The following TMEM178B variants were observed in gnomAD, a reference collection of about 807,000 sequenced individuals.
TMEM178B encodes transmembrane protein 178B.
A neutral mutation model predicts 31.0 loss-of-function variants in TMEM178B; 5 were observed. That is an observed-to-expected ratio of 0.16 (90% CI 0.08 to 0.34). TMEM178B has a LOEUF of 0.34. TMEM178B is among the 10% of genes least tolerant of loss of function. The pLI is 1.00. For missense variants in TMEM178B, 275 were observed against 400.3 expected (o/e 0.69, Z 2.67); for synonymous variants, 164 against 164.0 (o/e 1.00, Z 0.00).
intron 2 of TMEM178B, among the ~76,000 whole-genome samples, chr7:141,418,718 A>G (rs1801145933): frequency 6.6e-6 from 1 of 152,164 alleles, no homozygotes; most frequent in Non-Finnish European, 1.5e-5. Flanking sequence ...AAAAGCAGGC[A>G]TTCAATCCTA....
chr7:141,410,941 A>G (rs1430736904), intron 2 of TMEM178B, among the ~76,000 whole-genome samples: 2 of 152,256 alleles, frequency 1.3e-5, no homozygotes, highest in East Asian at 3.8e-4. Flanking sequence ...CATGCTAAGT[A>G]AAATTAATCA....
chr7:141,122,802 T>C (rs1446947741), intron 1 of TMEM178B, among the ~76,000 whole-genome samples: 1 of 152,228 alleles, frequency 6.6e-6, no homozygotes, highest in Non-Finnish European at 1.5e-5. Flanking sequence ...ATCTGAAGGC[T>C]CTGAATGAAA....
At chr7:141,487,903 C>T in the TMEM178B span, among the ~76,000 whole-genome samples, 14 of 152,114 alleles carry the variant, frequency 9.2e-5, no homozygotes, top group East Asian at 3.9e-4. Flanking sequence ...GCTCCTTCCC[C>T]GCAGTGGCAT....
At chr7:141,376,010 AC>A in intron 2 of TMEM178B, among the ~76,000 whole-genome samples, 1 of 152,286 alleles carries the variant, frequency 6.6e-6, no homozygotes, top group Non-Finnish European at 1.5e-5. Context: ...TCCTTTGGGG[AC>A]CTATCTTAAT....
intron 2 of TMEM178B, among the ~76,000 whole-genome samples, chr7:141,399,879 TC>T (rs951903524): frequency 2.0e-4 from 30 of 152,220 alleles, no homozygotes; most frequent in African/African-American, 7.2e-4. Context: ...TTTTCATTGC[TC>T]CTCCCTTTCT....
At chr7:141,091,777 G>A (rs1280202846) in intron 1 of TMEM178B, among the ~76,000 whole-genome samples, 1 of 152,182 alleles carries the variant, frequency 6.6e-6, no homozygotes, top group Non-Finnish European at 1.5e-5. Context: ...TCCCAGGCTG[G>A]AGTGCAGCAG....
chr7:141,383,883 T>G (rs925848602), intron 2 of TMEM178B, among the ~76,000 whole-genome samples: 5 of 152,158 alleles, frequency 3.3e-5, no homozygotes, highest in Non-Finnish European at 7.4e-5. Flanking sequence ...GCACCTGTTG[T>G]TTCCTGACTT....
chr7:141,305,509 C>T (rs527791709), intron 2 of TMEM178B, among the ~76,000 whole-genome samples: 167 of 152,008 alleles, frequency 1.1e-3, no homozygotes, highest in Non-Finnish European at 1.9e-3. Context: ...CTCACTTCAA[C>T]CCCCGCCTCC....
intron 1 of TMEM178B, among the ~76,000 whole-genome samples, chr7:141,127,274 G>T (rs1439304717): frequency 6.6e-6 from 1 of 152,150 alleles, no homozygotes; most frequent in Non-Finnish European, 1.5e-5. Flanking sequence ...TGACTCACCT[G>T]GGAACTGTTT....
At position 141,243,423 on chromosome 7, in the gene TMEM178B, C is replaced by CAG. The variant is rs202078824; in HGVS notation, c.496+30721_496+30722dup. Among the ~76,000 whole-genome samples, 1,134 of 152,170 alleles carry CAG rather than the reference C, an allele frequency of 7.5e-3. 45 individuals carry two copies. Among genetic ancestry groups the CAG allele is most frequent in the Admixed American group, 0.067 (1,030 of 15,278 alleles). ...TGCTCTATGGGGTTATGGCAGCCAT[C>CAG]AGAAGTAGGAAGAAGCCTCTTAACC... On this transcript the variant is annotated intron_variant, in intron 2 of 3. Coordinates refer to ENST00000565468, the MANE Select transcript of TMEM178B (RefSeq NM_001195278.2).
At chr7:141,351,119 C>T (rs896737884) in intron 2 of TMEM178B, among the ~76,000 whole-genome samples, 1 of 152,274 alleles carries the variant, frequency 6.6e-6, no homozygotes, top group Admixed American at 6.5e-5. Context: ...AAGCACTGAT[C>T]TCCTTTGATG....
At chr7:141,129,317 T>C (rs1214622137) in intron 1 of TMEM178B, among the ~76,000 whole-genome samples, 1 of 152,218 alleles carries the variant, frequency 6.6e-6, no homozygotes, top group African/African-American at 2.4e-5. Context: ...ATAAGAAATA[T>C]TCATATTCCC....
downstream of TMEM178B, among the ~76,000 whole-genome samples, chr7:141,483,319 A>G (rs1450315870): frequency 2.0e-5 from 3 of 151,984 alleles, no homozygotes; most frequent in Non-Finnish European, 2.9e-5. Flanking sequence ...CATGTATCCT[A>G]TATTCTTTCT....
rs1802406277 is a variant in TMEM178B at position 141,478,073 on chromosome 7, A to C, written c.*7287A>C. On this transcript the variant is annotated 3_prime_UTR_variant, in exon 4 of 4. Transcript: ENST00000565468. Reference sequence around the variant, plus strand: ...TATAAATGTGGCTTGCAGTGTCAGAAGCAGGGAGTCTGGCCAAGGGTTGCT... The same window carrying C: ...TATAAATGTGGCTTGCAGTGTCAGACGCAGGGAGTCTGGCCAAGGGTTGCT... 6.5e-6 allele frequency: 1 copy of C among 152,770 alleles called. No homozygotes were observed. Among genetic ancestry groups the C allele is most frequent in the Non-Finnish European group, 1.5e-5 (1 of 68,206 alleles). The allele number at this position is 152,770 out of a possible 1,614,324, so 9.5% of individuals were successfully genotyped here.
At chr7:141,418,395 G>A (rs939751830) in intron 2 of TMEM178B, among the ~76,000 whole-genome samples, 6 of 152,146 alleles carry the variant, frequency 3.9e-5, no homozygotes, top group South Asian at 2.1e-4. Context: ...TAGGGGCCAC[G>A]CAGGAAAAAA....
chr7:141,146,540 G>A (rs182688182), intron 1 of TMEM178B, among the ~76,000 whole-genome samples: 32 of 152,300 alleles, frequency 2.1e-4, no homozygotes, highest in Admixed American at 2.1e-3. Flanking sequence ...TGTAATTATA[G>A]TATCTATCAT....
At chr7:141,197,113 T>C (rs1465816622) in intron 1 of TMEM178B, among the ~76,000 whole-genome samples, 1 of 152,214 alleles carries the variant, frequency 6.6e-6, no homozygotes, top group Non-Finnish European at 1.5e-5. Flanking sequence ...GTGTCCCAAA[T>C]GGTGCCATAG....
At chr7:141,338,295 C>A (rs77821547) in intron 2 of TMEM178B, among the ~76,000 whole-genome samples, 1 of 152,114 alleles carries the variant, frequency 6.6e-6, no homozygotes, top group East Asian at 1.9e-4. Context: ...TTATAATCAG[C>A]GGAGAAATGC....
intron 3 of TMEM178B, among the ~76,000 whole-genome samples, chr7:141,439,639 C>A (rs1020259161): frequency 6.6e-6 from 1 of 152,152 alleles, no homozygotes. Flanking sequence ...CTCTAAGACT[C>A]TTTTGGATAT....
Sources: gnomAD v4.1 joint callset for allele counts (sites outside exome capture counted in the v4.1 genomes callset) on GRCh38, gnomAD v4.1.1 for gene constraint, MANE v1.5 for transcripts, NCBI Gene and HGNC (gene_info 2026-07-23, HGNC 2026-07-21) for gene names.